The following FGF12 variants were observed in gnomAD, a reference collection of about 807,000 sequenced individuals.
FGF12 encodes fibroblast growth factor 12, also known as fibroblast growth factor 12B.
A neutral mutation model predicts 23.6 loss-of-function variants in FGF12; 14 were observed. The observed-to-expected ratio is 0.59, with a 90% CI of 0.39 to 0.93. The LOEUF is 0.93. FGF12 is among the 40% of genes least tolerant of loss of function. FGF12 has a pLI of 0.00. For missense variants in FGF12, 175 were observed against 217.8 expected, an observed-to-expected ratio of 0.80 and a Z score of 1.24; for synonymous variants, 62 against 77.3, an observed-to-expected ratio of 0.80 and a Z score of 1.04.
At chr3:192,573,818 C>T (rs1712758775) in intron 2 of FGF12, among the ~76,000 whole-genome samples, 1 of 152,196 alleles carries the variant, frequency 6.6e-6, no homozygotes, top group Admixed American at 6.5e-5. Flanking sequence ...AATGTCAACA[C>T]TGCTGGTGTG....
Position 192,172,754 on chromosome 3 carries a change from T to TA in FGF12, c.229-2099dup, listed in dbSNP as rs532705903. Among the ~76,000 whole-genome samples the TA allele has an allele frequency of 5.6e-4, 84 of 151,008 alleles. 5 individuals are homozygous for TA. In the South Asian group the frequency reaches 0.011, roughly 20 times the overall value. On this transcript the variant is annotated intron_variant, in intron 4 of 5. Coordinates refer to ENST00000445105, the MANE Select transcript of FGF12 (RefSeq NM_004113.6). ...TGGCAGTGCCTCAAAAGGTTAAACATACAGTTGCCACACAATCCAAAAATT... is the reference window on the plus strand; with the variant it reads ...TGGCAGTGCCTCAAAAGGTTAAACATAACAGTTGCCACACAATCCAAAAATT...
Position 192,151,012 on chromosome 3 carries a change from T to C in FGF12, c.428-6885A>G, listed in dbSNP as rs1349187940. On this transcript the variant is annotated intron_variant, in intron 5 of 5. Transcript: ENST00000445105. The stretch of plus-strand genomic sequence containing the variant: ...TTCCTTGAGCAGTGGTTTGTAGTTC[T>C]CCTTGAAGAGGTCCTTCACACCCCT... Among the ~76,000 whole-genome samples the C allele has an allele frequency of 3.4e-5, 5 of 147,638 alleles. No homozygotes were observed. In the East Asian group the frequency reaches 9.8e-4, roughly 29 times the overall value.
At chr3:192,427,255 C>A (rs1721716577) in intron 2 of FGF12, among the ~76,000 whole-genome samples, 1 of 152,034 alleles carries the variant, frequency 6.6e-6, no homozygotes, top group Non-Finnish European at 1.5e-5. Flanking sequence ...GTGGCAAGCG[C>A]CCATAATCCC....
intron 4 of FGF12, among the ~76,000 whole-genome samples, chr3:192,240,254 C>T (rs924667411): frequency 6.6e-6 from 1 of 152,108 alleles, no homozygotes; most frequent in African/African-American, 2.4e-5. Flanking sequence ...TACTGGAGAG[C>T]TTTCTGGATT....
intron 4 of FGF12, among the ~76,000 whole-genome samples, chr3:192,319,819 T>C (rs1439132565): frequency 6.6e-6 from 1 of 152,012 alleles, no homozygotes; most frequent in African/African-American, 2.4e-5. Flanking sequence ...AGTCTCACGG[T>C]AACCTCAAGA....
In FGF12 at chr3:192,193,397, A is replaced by T. The variant is rs915628074; in HGVS notation, c.229-22741T>A. 7.2e-5 allele frequency among the ~76,000 whole-genome samples: 11 copies of T among 152,288 alleles called. No homozygotes were observed. The East Asian group carries it at 2.1e-3, about 29-fold the overall frequency. ...TGGACTCCAACACTGGACTGCACAG[A>T]ATACTCAGAAGGGTGCTCATTTTCT... On this transcript the variant is annotated intron_variant, in intron 4 of 5. Transcript: ENST00000445105.
At position 192,657,611 on chromosome 3, in the gene FGF12, C is replaced by A. The variant is rs546412581; in HGVS notation, c.13+69570G>T. ...TTGGTTTACAACTGAGTTCCAACTA[C>A]CTGAATTTGTTAAATCTATGAGATT... On this transcript the variant is annotated intron_variant, in intron 2 of 5. Coordinates refer to ENST00000445105, the MANE Select transcript of FGF12 (RefSeq NM_004113.6). Among the ~76,000 whole-genome samples, 7 of 152,204 alleles carry A rather than the reference C, an allele frequency of 4.6e-5. No homozygotes were observed. The East Asian group carries it at 1.4e-3, about 29-fold the overall frequency.
At chr3:192,524,604 T>C (rs1039773318) in intron 2 of FGF12, among the ~76,000 whole-genome samples, 4 of 152,214 alleles carry the variant, frequency 2.6e-5, no homozygotes, top group African/African-American at 4.8e-5. Flanking sequence ...TTTAAGGTGA[T>C]TGTTATGCTC....
intron 4 of FGF12, among the ~76,000 whole-genome samples, chr3:192,225,394 TA>T (rs1382985297): frequency 1.3e-5 from 2 of 152,270 alleles, no homozygotes; most frequent in East Asian, 3.9e-4. Flanking sequence ...TCCCTCATGC[TA>T]ATCAATCCTA....
intron 2 of FGF12, among the ~76,000 whole-genome samples, chr3:192,441,117 C>T (rs1445717017): frequency 1.3e-5 from 2 of 152,194 alleles, no homozygotes; most frequent in Non-Finnish European, 2.9e-5. Flanking sequence ...AGTATTGCCA[C>T]TTAACTAGCT....
intron 2 of FGF12, among the ~76,000 whole-genome samples, chr3:192,489,885 C>T (rs1033613635): frequency 2.6e-4 from 39 of 152,100 alleles, no homozygotes; most frequent in African/African-American, 8.4e-4. Flanking sequence ...GGGTAACAGG[C>T]TTAATACCTG....
intron 4 of FGF12, among the ~76,000 whole-genome samples, chr3:192,193,424 C>T (rs991656893): frequency 2.6e-5 from 4 of 152,146 alleles, no homozygotes; most frequent in Non-Finnish European, 5.9e-5. Flanking sequence ...TCATTTTCTT[C>T]TACAGGTAAT....
chr3:192,675,883 G>C (rs79631541), intron 2 of FGF12, among the ~76,000 whole-genome samples: 1 of 152,158 alleles, frequency 6.6e-6, no homozygotes, highest in African/African-American at 2.4e-5. Context: ...ATTTGCATTG[G>C]CTGTGAATAC....
intron 3 of FGF12, among the ~76,000 whole-genome samples, chr3:192,354,861 G>A (rs962634046): frequency 2.6e-5 from 4 of 151,970 alleles, no homozygotes; most frequent in Non-Finnish European, 4.4e-5. Flanking sequence ...ATGCACCACC[G>A]TGCCTGGCTA....
chr3:192,614,223 T>A (rs1236097224), intron 2 of FGF12, among the ~76,000 whole-genome samples: 1 of 151,880 alleles, frequency 6.6e-6, no homozygotes, highest in Non-Finnish European at 1.5e-5. Flanking sequence ...TTCCTAAGGG[T>A]CAACATTTTC....
chr3:192,459,497 C>T (rs1722788353), intron 2 of FGF12, among the ~76,000 whole-genome samples: 1 of 152,214 alleles, frequency 6.6e-6, no homozygotes, highest in Non-Finnish European at 1.5e-5. Flanking sequence ...GCAGTAACAA[C>T]ATTACAAAAC....
At chr3:192,472,931 C>T (rs558344072) in intron 2 of FGF12, among the ~76,000 whole-genome samples, 1 of 152,316 alleles carries the variant, frequency 6.6e-6, no homozygotes, top group African/African-American at 2.4e-5. Flanking sequence ...ATTCAAAATT[C>T]TGTTCAAGTA....
In FGF12 at chr3:192,584,488, T is replaced by G. The variant is rs544109181; in HGVS notation, c.13+142693A>C. On this transcript the variant is annotated intron_variant, in intron 2 of 5. Transcript: ENST00000445105. ...GAGGCATCCCTGAAGCAGACTGCGA[T>G]GGGTTCAGAGTTTGAGGTTCTCAAT... Among the ~76,000 whole-genome samples, 62 of 152,286 alleles carry G rather than the reference T, an allele frequency of 4.1e-4. 1 individual carries two copies. The highest frequency in any genetic ancestry group is 3.4e-3 in the Admixed American group (52 of 15,294).
At chr3:192,442,269 T>C (rs927520322) in intron 2 of FGF12, among the ~76,000 whole-genome samples, 1 of 152,248 alleles carries the variant, frequency 6.6e-6, no homozygotes, top group African/African-American at 2.4e-5. Context: ...CAGTGTTTAC[T>C]ACACTGCATT....
Sources: allele counts gnomAD v4.1 joint callset (sites outside exome capture counted in the v4.1 genomes callset), GRCh38; gene constraint gnomAD v4.1.1; transcripts MANE v1.5; gene names NCBI Gene and HGNC (gene_info 2026-07-23, HGNC 2026-07-21).